The following CNTN4 variants were observed in gnomAD, a reference collection of about 807,000 sequenced individuals.
CNTN4 encodes contactin 4, also known as contactin-4.
In CNTN4, 77 loss-of-function variants were observed where a neutral mutation model predicts 122.5. The observed-to-expected ratio is 0.63, with a 90% CI of 0.52 to 0.76. The LOEUF is 0.76. Ranked by LOEUF, CNTN4 falls within the 30% of genes least tolerant of loss-of-function variation. The probability of loss-of-function intolerance (pLI) is 0.00; values close to 1 mark genes in which losing one functional copy is unlikely to be tolerated. For synonymous variants in CNTN4, 512 were observed against 447.0 expected (o/e 1.15, Z -1.83); for missense variants, 1,256 against 1,259.1 (o/e 1.00, Z 0.04).
At chr3:3,050,957 T>TACAGCCC (rs1450933699) in intron 23 of CNTN4, among the ~76,000 whole-genome samples, 1 of 152,118 alleles carries the variant, frequency 6.6e-6, no homozygotes, top group Non-Finnish European at 1.5e-5. Context: ...AACAAGCTTG[T>TACAGCCC]ACAGCCCACA....
At chr3:2,932,717 AT>A (rs1195757131) in intron 13 of CNTN4, among the ~76,000 whole-genome samples, 1 of 152,046 alleles carries the variant, frequency 6.6e-6, no homozygotes, top group Non-Finnish European at 1.5e-5. Flanking sequence ...GGGTTTGAGG[AT>A]TTTTCAGTAT....
At chr3:2,444,607 A>AT (rs1225681872) in intron 3 of CNTN4, among the ~76,000 whole-genome samples, 6 of 152,080 alleles carry the variant, frequency 3.9e-5, no homozygotes, top group Non-Finnish European at 7.4e-5. Context: ...AGAAATTCAT[A>AT]TTTTTTTCTA....
chr3:3,025,677 G>C (rs929878065), intron 14 of CNTN4, among the ~76,000 whole-genome samples: 1 of 152,092 alleles, frequency 6.6e-6, no homozygotes, highest in South Asian at 2.1e-4. Flanking sequence ...TTTTACAATA[G>C]AAAAAAAGAG....
At chr3:2,563,494 C>G (rs1397951337) in intron 3 of CNTN4, among the ~76,000 whole-genome samples, 1 of 152,050 alleles carries the variant, frequency 6.6e-6, no homozygotes, top group Non-Finnish European at 1.5e-5. Flanking sequence ...TATCATTTCA[C>G]CAGTTGTTTT....
At chr3:2,729,818 G>T (rs889242045) in intron 4 of CNTN4, among the ~76,000 whole-genome samples, 3 of 152,216 alleles carry the variant, frequency 2.0e-5, no homozygotes, top group East Asian at 1.9e-4. Flanking sequence ...GAAGGCTGAG[G>T]CAGGAGAATC....
At chr3:2,598,180 T>C (rs2080862200) in intron 4 of CNTN4, among the ~76,000 whole-genome samples, 1 of 152,190 alleles carries the variant, frequency 6.6e-6, no homozygotes, top group African/African-American at 2.4e-5. Flanking sequence ...TCAAACATGA[T>C]TGCTCTTCCA....
chr3:2,462,080 A>G (rs937742507), intron 3 of CNTN4, among the ~76,000 whole-genome samples: 1 of 152,124 alleles, frequency 6.6e-6, no homozygotes, highest in Non-Finnish European at 1.5e-5. Context: ...GACCATCCTC[A>G]AGTACACAAG....
At chr3:3,001,464 G>T (rs1559773098) in intron 14 of CNTN4, among the ~76,000 whole-genome samples, 2 of 152,136 alleles carry the variant, frequency 1.3e-5, no homozygotes, top group East Asian at 3.8e-4. Flanking sequence ...ATAGACCAAG[G>T]GTTACAAACT....
chr3:2,343,072 A>G (rs1335666849), intron 3 of CNTN4, among the ~76,000 whole-genome samples: 2 of 152,238 alleles, frequency 1.3e-5, no homozygotes, highest in East Asian at 1.9e-4. Flanking sequence ...ATTTTATGGT[A>G]TGTGAATTAC....
intron 2 of CNTN4, among the ~76,000 whole-genome samples, chr3:2,132,769 C>T (rs1239807586): frequency 6.6e-6 from 1 of 152,112 alleles, no homozygotes; most frequent in Non-Finnish European, 1.5e-5. Flanking sequence ...GTCATAAAGT[C>T]TCTTATTTAA....
chr3:2,477,279 A>T (rs986965683), intron 3 of CNTN4, among the ~76,000 whole-genome samples: 1 of 152,168 alleles, frequency 6.6e-6, no homozygotes, highest in Non-Finnish European at 1.5e-5. Context: ...ACTATAAATG[A>T]CATCTGAGGT....
chr3:2,822,232 G>C (rs987537654), intron 7 of CNTN4, among the ~76,000 whole-genome samples: 2 of 152,124 alleles, frequency 1.3e-5, no homozygotes, highest in Non-Finnish European at 2.9e-5. Context: ...TTGGACTCTG[G>C]GATATGAGTT....
At chr3:2,729,402 G>A (rs540029482) in intron 4 of CNTN4, among the ~76,000 whole-genome samples, 7 of 150,136 alleles carry the variant, frequency 4.7e-5, no homozygotes, top group South Asian at 2.1e-4. Flanking sequence ...AAAATTAGCC[G>A]GGCGTGGTGG....
chr3:2,210,516 CT>C (rs1437150894), intron 2 of CNTN4, among the ~76,000 whole-genome samples: 1 of 152,148 alleles, frequency 6.6e-6, no homozygotes, highest in African/African-American at 2.4e-5. Context: ...CCAGTGTAAT[CT>C]TTATAACAGA....
chr3:2,870,468 A>C (rs2093771922), intron 8 of CNTN4, among the ~76,000 whole-genome samples: 1 of 152,202 alleles, frequency 6.6e-6, no homozygotes, highest in Non-Finnish European at 1.5e-5. Context: ...AAGATGAGAG[A>C]AAAGGGGAAA....
intron 13 of CNTN4, among the ~76,000 whole-genome samples, chr3:2,963,586 A>T (rs368435743): frequency 1.3e-5 from 2 of 152,174 alleles, no homozygotes; most frequent in East Asian, 3.9e-4. Flanking sequence ...TCTGACCACT[A>T]CTTATCATCG....
At chr3:2,933,294 G>A (rs1299910431) in intron 13 of CNTN4, among the ~76,000 whole-genome samples, 5 of 152,128 alleles carry the variant, frequency 3.3e-5, no homozygotes, top group African/African-American at 4.8e-5. Flanking sequence ...GGTAATTGAC[G>A]TTGTCAGGGT....
intron 2 of CNTN4, among the ~76,000 whole-genome samples, chr3:2,241,319 T>A (rs2039927221): frequency 6.6e-6 from 1 of 152,112 alleles, no homozygotes; most frequent in African/African-American, 2.4e-5. Flanking sequence ...ATTCCAGGCA[T>A]TGGATAGATA....
At chr3:2,956,187 A>C (rs537080930) in intron 13 of CNTN4, among the ~76,000 whole-genome samples, 83 of 152,340 alleles carry the variant, frequency 5.4e-4, no homozygotes, top group Non-Finnish European at 9.4e-4. Context: ...ACTGGACACA[A>C]AAGGACAAAT....
Sources: gnomAD v4.1 joint callset for allele counts (sites outside exome capture counted in the v4.1 genomes callset) on GRCh38, gnomAD v4.1.1 for gene constraint, MANE v1.5 for transcripts, NCBI Gene and HGNC (gene_info 2026-07-23, HGNC 2026-07-21) for gene names.